The following SIK3 variants were observed in gnomAD, a reference collection of about 807,000 sequenced individuals.
SIK3 encodes the protein SIK family kinase 3.
Under a neutral mutation model 144.2 loss-of-function variants are expected in SIK3, and 28 were observed. That is an observed-to-expected ratio of 0.19 (90% CI 0.14 to 0.27). The LOEUF (loss-of-function observed/expected upper bound fraction) is 0.27. Ranked by LOEUF, SIK3 falls within the 10% of genes least tolerant of loss-of-function variation. SIK3 has a pLI of 1.00. For synonymous variants in SIK3, 686 were observed against 676.3 expected (o/e 1.01, Z -0.22); for missense variants, 1,319 against 1,776.0 (o/e 0.74, Z 4.62).
Position 116,873,612 on chromosome 11 carries a change from T to C in SIK3, c.1606A>G (p.Thr536Ala). ...CCCATTCCATTCAACAGCTGTAGCGTGGGCGGCTGTAGGAGAGACTGCTCC... is the reference window on the plus strand; with the variant it reads ...CCCATTCCATTCAACAGCTGTAGCGCGGGCGGCTGTAGGAGAGACTGCTCC... ...YKEQSLLQPP[T>A]LQLLNGMGPL... The change falls in exon 13 of 25, where the codon ACG becomes GCG. Residue 536 changes from threonine (T) to alanine (A), a missense_variant. Physicochemically the swap from Thr to Ala is moderately conservative, Grantham distance 58. Coordinates refer to ENST00000445177, the MANE Select transcript of SIK3 (RefSeq NM_001366686.3). 6.3e-7 allele frequency: 1 copy of C among 1,577,130 alleles called. No homozygotes were observed. Among genetic ancestry groups the C allele is most frequent in the Non-Finnish European group, 8.6e-7 (1 of 1,164,202 alleles).
chr11:116,927,521 G>A, intron 3 of SIK3, 141 bp from the exon 4 acceptor site: 1 of 679,904 alleles, frequency 1.5e-6, no homozygotes, highest in Non-Finnish European at 2.5e-6. Context: ...CACATTGATA[G>A]TCCTGGTTTG....
At chr11:116,900,671 C>T (rs1314003190) in intron 4 of SIK3, among the ~76,000 whole-genome samples, 8 of 152,092 alleles carry the variant, frequency 5.3e-5, no homozygotes, top group Admixed American at 4.6e-4. Context: ...CATGCCTTTT[C>T]CTTTCTTTTC....
intron 1 of SIK3, among the ~76,000 whole-genome samples, chr11:117,018,208 C>T (rs144401940): frequency 2.0e-4 from 31 of 152,282 alleles, no homozygotes; most frequent in African/African-American, 7.0e-4. Context: ...TACACACACA[C>T]TCAAGTCCTG....
intron 2 of SIK3, among the ~76,000 whole-genome samples, chr11:116,956,525 C>T (rs547608979): frequency 6.6e-6 from 1 of 152,246 alleles, no homozygotes; most frequent in East Asian, 1.9e-4. Context: ...AACATGATCA[C>T]AGAAACTAGT....
At chr11:117,090,159 C>A (rs140663365) in intron 1 of SIK3, among the ~76,000 whole-genome samples, 96 of 152,202 alleles carry the variant, frequency 6.3e-4, no homozygotes, top group African/African-American at 2.2e-3. Flanking sequence ...GATAAAAGCC[C>A]ATTTGAATGT....
At chr11:116,972,742 T>C (rs1397521882) in intron 1 of SIK3, among the ~76,000 whole-genome samples, 1 of 152,092 alleles carries the variant, frequency 6.6e-6, no homozygotes, top group Non-Finnish European at 1.5e-5. Context: ...ATAAAAGTCA[T>C]ATTCTGTGTG....
intron 21 of SIK3, among the ~76,000 whole-genome samples, chr11:116,852,045 G>T (rs541786931): frequency 6.6e-6 from 1 of 152,090 alleles, no homozygotes; most frequent in Non-Finnish European, 1.5e-5. Flanking sequence ...TTTGCTCTCC[G>T]CAAGGACAAA....
intron 1 of SIK3, among the ~76,000 whole-genome samples, chr11:117,054,857 AAGACAGGC>A (rs1212356293): frequency 8.5e-5 from 13 of 152,342 alleles, no homozygotes; most frequent in East Asian, 3.9e-4. Context: ...AAGGATAAGG[AAGACAGGC>A]AGACAGGCAA....
intron 16 of SIK3, among the ~76,000 whole-genome samples, chr11:116,863,330 A>C (rs899655399): frequency 3.9e-5 from 6 of 152,122 alleles, no homozygotes; most frequent in African/African-American, 1.4e-4. Context: ...AGCTTACTAC[A>C]ACCTCTACCT....
At chr11:117,036,268 C>T (rs78550859) in intron 1 of SIK3, among the ~76,000 whole-genome samples, 3,766 of 151,966 alleles carry the variant, frequency 0.025, 86 homozygotes, top group South Asian at 0.11. Context: ...CTCATAGTAA[C>T]GTAAAGAATA....
chr11:116,929,309 C>T (rs939624050), intron 3 of SIK3, among the ~76,000 whole-genome samples: 1 of 151,992 alleles, frequency 6.6e-6, no homozygotes, highest in Non-Finnish European at 1.5e-5. Flanking sequence ...AAAAATAAAC[C>T]CTTATGAAGG....
At chr11:117,048,974 G>A (rs912914742) in intron 1 of SIK3, among the ~76,000 whole-genome samples, 2 of 152,080 alleles carry the variant, frequency 1.3e-5, no homozygotes, top group South Asian at 2.1e-4. Flanking sequence ...GGTGGCGCAC[G>A]CTTGTAATCC....
chr11:116,929,290 G>A (rs928237393), intron 3 of SIK3, among the ~76,000 whole-genome samples: 4 of 152,108 alleles, frequency 2.6e-5, no homozygotes, highest in African/African-American at 9.7e-5. Flanking sequence ...AGCTATTCTT[G>A]AGAAACATAA....
intron 1 of SIK3, among the ~76,000 whole-genome samples, chr11:116,978,829 C>A (rs1359864394): frequency 6.6e-6 from 1 of 152,042 alleles, no homozygotes; most frequent in Non-Finnish European, 1.5e-5. Context: ...TTTCTAACTG[C>A]CTTTTTTGAT....
intron 1 of SIK3, among the ~76,000 whole-genome samples, chr11:116,996,991 C>T (rs1950692404): frequency 6.6e-6 from 1 of 152,142 alleles, no homozygotes; most frequent in Admixed American, 6.5e-5. Context: ...CATCCATCCA[C>T]AACAATATCA....
chr11:116,846,204 C>T lies in SIK3; in HGVS notation c.*13+179G>A, dbSNP rs942312491. Among the ~76,000 whole-genome samples, 3 of 152,218 alleles carry T rather than the reference C, an allele frequency of 2.0e-5. No homozygotes were observed. Among genetic ancestry groups the T allele is most frequent in the South Asian group, 2.1e-4 (1 of 4,830 alleles). On this transcript the variant is annotated intron_variant, in intron 24 of 24. Coordinates refer to ENST00000445177, the MANE Select transcript of SIK3 (RefSeq NM_001366686.3). The surrounding 1 kb of genome is among the most constrained non-coding windows in gnomAD (Gnocchi z 4.1). The stretch of plus-strand genomic sequence containing the variant: ...CTTCTGCACACCCCCACCCCTACCT[C>T]GCGCCCTAAAACTAGCAGCGTCGTT...
At chr11:116,905,543 G>T (rs1945983509) in intron 4 of SIK3, among the ~76,000 whole-genome samples, 1 of 152,170 alleles carries the variant, frequency 6.6e-6, no homozygotes, top group South Asian at 2.1e-4. Flanking sequence ...TATCCAAAGT[G>T]GCCGTACCAT....
intron 1 of SIK3, among the ~76,000 whole-genome samples, chr11:117,033,035 A>G (rs1327490269): frequency 6.6e-6 from 1 of 152,238 alleles, no homozygotes; most frequent in Non-Finnish European, 1.5e-5. Flanking sequence ...AACCTGCCTT[A>G]GTGCAGGACT....
intron 1 of SIK3, among the ~76,000 whole-genome samples, chr11:117,013,474 A>C (rs368244212): frequency 1.3e-5 from 2 of 152,288 alleles, no homozygotes; most frequent in African/African-American, 4.8e-5. Flanking sequence ...GTGAAACTCC[A>C]TTTCAAAAAA....
Sources: allele counts gnomAD v4.1 joint callset (sites outside exome capture counted in the v4.1 genomes callset), GRCh38; gene constraint gnomAD v4.1.1; non-coding constraint Gnocchi (gnomAD v3.1); transcripts MANE v1.5; gene names NCBI Gene and HGNC (gene_info 2026-07-23, HGNC 2026-07-21).